Variants in COL19A1 observed in about 807,000 individuals in gnomAD.
The protein encoded by COL19A1 is collagen type XIX alpha 1 chain, also known as collagen alpha-1(XIX) chain.
In COL19A1, 159 loss-of-function variants were observed where a neutral mutation model predicts 190.2. The observed-to-expected ratio is 0.84, with a 90% CI of 0.73 to 0.95. The LOEUF is 0.95. Among genes scored for constraint, COL19A1 ranks in the 40% least tolerant of loss-of-function variants. The pLI is 0.00. For synonymous variants in COL19A1, 509 were observed against 458.9 expected (o/e 1.11, Z -1.39); for missense variants, 1,418 against 1,431.9 (o/e 0.99, Z 0.16).
chr6:69,876,594 T>TA (rs760869332), intron 1 of COL19A1, among the ~76,000 whole-genome samples: 33 of 152,264 alleles, frequency 2.2e-4, no homozygotes, highest in Non-Finnish European at 3.8e-4. Flanking sequence ...TGAAGATGAA[T>TA]AAATTAGGGC....
chr6:69,954,882 A>G (rs1254642933), intron 9 of COL19A1, among the ~76,000 whole-genome samples: 1 of 152,078 alleles, frequency 6.6e-6, no homozygotes, highest in East Asian at 1.9e-4. Flanking sequence ...AGAACTATAA[A>G]TTACTCATCA....
intron 13 of COL19A1, among the ~76,000 whole-genome samples, chr6:70,034,522 T>A (rs955100518): frequency 6.6e-6 from 1 of 152,204 alleles, no homozygotes; most frequent in African/African-American, 2.4e-5. Flanking sequence ...ATTTATAAGA[T>A]TTCCCTTTTC....
chr6:69,912,811 G>A (rs1039494285), intron 4 of COL19A1, among the ~76,000 whole-genome samples: 4 of 152,202 alleles, frequency 2.6e-5, no homozygotes, highest in African/African-American at 9.6e-5. Context: ...GTAGAGGCCA[G>A]GCACGGTGGC....
intron 11 of COL19A1, among the ~76,000 whole-genome samples, chr6:70,018,527 C>T (rs1485931425): frequency 6.6e-6 from 1 of 152,068 alleles, no homozygotes; most frequent in East Asian, 1.9e-4. Flanking sequence ...TAACAAAACA[C>T]TTGGAATGAC....
chr6:70,115,817 G>GTT (rs1784532492), intron 16 of COL19A1, among the ~76,000 whole-genome samples: 1 of 117,692 alleles, frequency 8.5e-6, no homozygotes, highest in Non-Finnish European at 1.7e-5. Context: ...TTTGTTTTTT[G>GTT]GTGTTTTGTT....
chr6:69,935,514 G>T (rs185890103), intron 7 of COL19A1, among the ~76,000 whole-genome samples: 1 of 151,946 alleles, frequency 6.6e-6, no homozygotes, highest in Non-Finnish European at 1.5e-5. Context: ...TAATAACCTT[G>T]TTCCATTCAA....
intron 4 of COL19A1, among the ~76,000 whole-genome samples, chr6:69,910,234 A>G (rs368864595): frequency 2.6e-5 from 4 of 152,154 alleles, no homozygotes; most frequent in Non-Finnish European, 4.4e-5. Context: ...AACAATGATA[A>G]TGATTCTTAT....
rs1288245789 is a variant in COL19A1, at chr6:70,156,206, G to A, written c.2159G>A (p.Gly720Glu). The change falls in exon 32 of 51, where the codon GGA becomes GAA. Residue 720 changes from glycine (G) to glutamate (E), a missense_variant. Coordinates refer to ENST00000620364, the MANE Select transcript of COL19A1 (RefSeq NM_001858.6). ...GAAGAAGGAGGTGCTGGTGAGCCTG[G>A]AAAGTATGATTCCATGGCCCGGAAG... is the stretch of plus-strand genomic sequence containing the variant. ...KGEEGGAGEPGKYDSMARKGD... is the reference protein window; with the variant it reads ...KGEEGGAGEPEKYDSMARKGD... 1 of 1,613,356 alleles carries A rather than the reference G, an allele frequency of 6.2e-7. No individual in the cohort carries two copies. The highest frequency in any genetic ancestry group is 2.2e-5 in the East Asian group (1 of 44,816).
At chr6:70,056,018 T>C (rs969689984) in intron 14 of COL19A1, among the ~76,000 whole-genome samples, 4 of 152,134 alleles carry the variant, frequency 2.6e-5, no homozygotes, top group African/African-American at 9.7e-5. Context: ...ATTCCATCTG[T>C]TGTAGGGAGC....
At chr6:69,894,026 A>G (rs1181279640) in intron 2 of COL19A1, among the ~76,000 whole-genome samples, 2 of 151,406 alleles carry the variant, frequency 1.3e-5, no homozygotes, top group Non-Finnish European at 2.9e-5. Context: ...AATGTATTTG[A>G]TTGATGTCTC....
In COL19A1 at chr6:70,054,160, G is replaced by A. The variant is rs532657558; in HGVS notation, c.1171-14263G>A. On this transcript the variant is annotated intron_variant, in intron 14 of 50. Coordinates refer to ENST00000620364, the MANE Select transcript of COL19A1 (RefSeq NM_001858.6). ...AGATCAGGAGTTCGAGACCAGCCTG[G>A]TTAACCTGGCAAAACTCCGTCTCTA... Among the ~76,000 whole-genome samples, 11 of 152,272 alleles carry A rather than the reference G, an allele frequency of 7.2e-5. 1 individual carries two copies. The South Asian group carries it at 2.3e-3, about 32-fold the overall frequency.
At chr6:69,935,792 G>A (rs958750514) in intron 7 of COL19A1, among the ~76,000 whole-genome samples, 3 of 151,782 alleles carry the variant, frequency 2.0e-5, no homozygotes, top group Non-Finnish European at 2.9e-5. Flanking sequence ...ATAGGTAAAC[G>A]TGTGCCATGA....
intron 9 of COL19A1, among the ~76,000 whole-genome samples, chr6:69,943,067 G>A (rs549822344): frequency 6.6e-6 from 1 of 151,654 alleles, no homozygotes; most frequent in Admixed American, 6.6e-5. Flanking sequence ...CATTTTTTTT[G>A]GTCATTTAGA....
At chr6:70,035,379 A>G (rs1224573978) in intron 13 of COL19A1, among the ~76,000 whole-genome samples, 1 of 152,256 alleles carries the variant, frequency 6.6e-6, no homozygotes, top group African/African-American at 2.4e-5. Context: ...TTTAGCGTTC[A>G]GAAATACATA....
chr6:70,192,399 C>T (rs775829991), intron 48 of COL19A1, among the ~76,000 whole-genome samples: 1 of 152,008 alleles, frequency 6.6e-6, no homozygotes, highest in Non-Finnish European at 1.5e-5. Flanking sequence ...TGTTGAGCTA[C>T]CAGTAATTTT....
Position 70,019,327 on chromosome 6 carries a change from G to A in COL19A1, c.1027-4300G>A, listed in dbSNP as rs1265686259. Among the ~76,000 whole-genome samples the A allele has an allele frequency of 2.6e-5, 4 of 151,884 alleles. No homozygotes were observed. The East Asian group carries it at 7.7e-4, about 29-fold the overall frequency. Reference sequence around the variant, plus strand: ...TAGCACAGGGCCTGGCATGTAGTAAGGTATAGAGAACAAAAGCTACTATAT... The same window carrying A: ...TAGCACAGGGCCTGGCATGTAGTAAAGTATAGAGAACAAAAGCTACTATAT... On this transcript the variant is annotated intron_variant, in intron 11 of 50. Transcript: ENST00000620364.
chr6:70,169,822 A>G (rs770849068), intron 40 of COL19A1, among the ~76,000 whole-genome samples: 19 of 152,218 alleles, frequency 1.2e-4, no homozygotes, highest in Non-Finnish European at 2.2e-4. Flanking sequence ...ATACTCATAC[A>G]CACAAAACAG....
intron 2 of COL19A1, among the ~76,000 whole-genome samples, chr6:69,885,408 TG>T (rs1406493653): frequency 6.6e-6 from 1 of 152,206 alleles, no homozygotes; most frequent in African/African-American, 2.4e-5. Flanking sequence ...TATTATGGGA[TG>T]GATATAATTA....
intron 4 of COL19A1, among the ~76,000 whole-genome samples, chr6:69,921,388 TATATATC>T (rs748566547): frequency 0.039 from 4,362 of 111,672 alleles, 331 homozygotes; most frequent in East Asian, 0.097. Flanking sequence ...ATATATATCA[TATATATC>T]ATATATCATA....
Sources: allele counts gnomAD v4.1 joint callset (sites outside exome capture counted in the v4.1 genomes callset), GRCh38; gene constraint gnomAD v4.1.1; transcripts MANE v1.5; gene names NCBI Gene and HGNC (gene_info 2026-07-23, HGNC 2026-07-21).